DCHS2: variants seen among roughly 807,000 people sequenced by gnomAD.
DCHS2 encodes the protein dachsous cadherin-related 2, also known as protocadherin-23.
DCHS2 carries 142 observed loss-of-function variants against 182.4 expected under a neutral mutation model. The ratio of observed to expected loss-of-function variants is 0.78; its 90% CI spans 0.68 to 0.89. The LOEUF is 0.89. Ranked by LOEUF, DCHS2 falls within the 40% of genes least tolerant of loss-of-function variation. The pLI is 0.00. For synonymous variants in DCHS2, 1,740 were observed against 1,663.3 expected (o/e 1.05, Z -1.12); for missense variants, 4,319 against 4,198.6 (o/e 1.03, Z -0.79).
At chr4:154,265,010 AT>A (rs1161196794) in intron 14 of DCHS2, among the ~76,000 whole-genome samples, 5 of 152,202 alleles carry the variant, frequency 3.3e-5, no homozygotes, top group Admixed American at 3.3e-4. Context: ...GTTGGACTTT[AT>A]ATATGTTAAA....
At chr4:154,463,324 G>C (rs1735095883) in intron 1 of DCHS2, among the ~76,000 whole-genome samples, 2 of 151,738 alleles carry the variant, frequency 1.3e-5, no homozygotes, top group South Asian at 2.1e-4. Context: ...AATTATATAG[G>C]CTTTTTTCCC....
intron 1 of DCHS2, among the ~76,000 whole-genome samples, chr4:154,420,234 G>GAGACAGAC (rs71600327): frequency 0.065 from 8,967 of 137,354 alleles, 306 homozygotes; most frequent in Middle Eastern, 0.098. Context: ...GAACCGATGG[G>GAGACAGAC]AGACAGACAG....
At chr4:154,435,762 A>G (rs776145339) in intron 1 of DCHS2, among the ~76,000 whole-genome samples, 2 of 152,204 alleles carry the variant, frequency 1.3e-5, no homozygotes, top group Non-Finnish European at 2.9e-5. Flanking sequence ...CCAATAAACT[A>G]GATTAGCATC....
Position 154,491,331 on chromosome 4 carries a change from C to A in DCHS2, c.25G>T (p.Gly9Cys). MSPCGRKM[G>C]EGRQQRRAPV... ...GCCCGCCGCTGCTGACGCCCTTCGCCCATCTTCCGCCCACAAGGGCTCATT... is the reference window on the plus strand; with the variant it reads ...GCCCGCCGCTGCTGACGCCCTTCGCACATCTTCCGCCCACAAGGGCTCATT... The change falls in exon 1 of 20, where the codon GGC becomes TGC. Residue 9 changes from glycine (G) to cysteine (C), a missense_variant. Coordinates refer to ENST00000357232, the MANE Select transcript of DCHS2 (RefSeq NM_001358235.2). 6.5e-7 allele frequency: 1 copy of A among 1,543,014 alleles called. No individual in the cohort carries two copies. Among genetic ancestry groups the A allele is most frequent in the Non-Finnish European group, 8.8e-7 (1 of 1,141,450 alleles).
rs549919104 is a variant in DCHS2 at position 154,283,077 on chromosome 4, A to G, written c.6464-13064T>C. ...CAATTTGAATTTTACAAAATGAAAA[A>G]TATCTAGAGATCTGTTGTGTAACAA... is the stretch of plus-strand genomic sequence containing the variant. On this transcript the variant is annotated intron_variant, in intron 13 of 19. Coordinates refer to ENST00000357232, the MANE Select transcript of DCHS2 (RefSeq NM_001358235.2). Among the ~76,000 whole-genome samples, 6 of 152,264 alleles carry G rather than the reference A, an allele frequency of 3.9e-5. No individual in the cohort carries two copies. In the South Asian group the frequency reaches 1.2e-3, roughly 32 times the overall value.
At position 154,298,415 on chromosome 4, in the gene DCHS2, G is replaced by A. The variant is rs2111282826; in HGVS notation, c.5899C>T (p.Gln1967Ter). ...AVDKDEGLNGQTEYFLTDEAS... is the reference protein window; with the variant it reads ...AVDKDEGLNG ...TCATCAGTCAGAAAATACTCAGTTTGCCCATTCAGGCCTTCATCCTTGTCC... is the reference window on the plus strand; with the variant it reads ...TCATCAGTCAGAAAATACTCAGTTTACCCATTCAGGCCTTCATCCTTGTCC... Residue 1967 changes from glutamine (Q) to a stop codon, truncating the protein, a stop_gained, in exon 13 of 20, where the codon CAA becomes TAA. Coordinates refer to ENST00000357232, the MANE Select transcript of DCHS2 (RefSeq NM_001358235.2). LOFTEE classifies it high-confidence loss of function. 3 of 1,614,112 alleles carry A rather than the reference G, an allele frequency of 1.9e-6. No individual in the cohort carries two copies. In the East Asian group the frequency reaches 6.7e-5, roughly 36 times the overall value.
chr4:154,240,588 A>C lies in DCHS2; in HGVS notation c.7308T>G (p.Arg2436=). The C allele has an allele frequency of 6.2e-7, 1 of 1,613,904 alleles. No individual in the cohort carries two copies. Among genetic ancestry groups the C allele is most frequent in the Non-Finnish European group, 8.5e-7 (1 of 1,179,892 alleles). Residue 2436 remains arginine, a synonymous_variant, in exon 18 of 20, where the codon CGT becomes CGG. Transcript: ENST00000357232. ...VHYTEGALVV[R]VLDVNDNPPV... is the part of the protein sequence containing the mutation. ...GTGGATTATCATTGACATCCAGCAC[A>C]CGGACTACAAGTGCTCCCTCTGTGT... is the stretch of plus-strand genomic sequence containing the variant.
chr4:154,352,683 TA>T (rs1396802821), intron 3 of DCHS2, among the ~76,000 whole-genome samples: 6 of 152,176 alleles, frequency 3.9e-5, no homozygotes, highest in African/African-American at 1.4e-4. Context: ...CCATAAAATA[TA>T]AAAACACATC....
At chr4:154,420,204 C>A (rs1026694688) in intron 1 of DCHS2, among the ~76,000 whole-genome samples, 1 of 151,410 alleles carries the variant, frequency 6.6e-6, no homozygotes, top group Non-Finnish European at 1.5e-5. Context: ...AAAAAGGAGT[C>A]AGAGTTCTCC....
chr4:154,301,140 A>G (rs1424606941), intron 12 of DCHS2, among the ~76,000 whole-genome samples: 1 of 152,206 alleles, frequency 6.6e-6, no homozygotes, highest in African/African-American at 2.4e-5. Context: ...CTCTCACCCA[A>G]ATAAATGGCT....
chr4:154,456,762 A>C (rs542841818), intron 1 of DCHS2, among the ~76,000 whole-genome samples: 30 of 152,322 alleles, frequency 2.0e-4, no homozygotes, highest in Non-Finnish European at 3.1e-4. Flanking sequence ...GGTAAAGGGC[A>C]TGAGGTTAGT....
At chr4:154,415,095 A>G (rs1451416826) in intron 1 of DCHS2, among the ~76,000 whole-genome samples, 1 of 152,208 alleles carries the variant, frequency 6.6e-6, no homozygotes, top group Non-Finnish European at 1.5e-5. Context: ...TGCCTAAATC[A>G]GTATCATTTA....
rs1274554248 is a variant in DCHS2, at chr4:154,333,043, G to T, written c.3165C>A (p.Ala1055=). 2 of 1,613,956 alleles carry T rather than the reference G, an allele frequency of 1.2e-6. No homozygotes were observed. Among genetic ancestry groups the T allele is most frequent in the Non-Finnish European group, 1.7e-6 (2 of 1,179,972 alleles). The change falls in exon 5 of 20, where the codon GCC becomes GCA. Residue 1055 remains alanine (A), a synonymous_variant. Coordinates refer to ENST00000357232, the MANE Select transcript of DCHS2 (RefSeq NM_001358235.2). The part of the protein sequence containing the change: ...EQRELTLTLR[A]EDQGVHPQAA... Reference sequence around the variant, plus strand: ...CCTGAGGATGCACGCCTTGGTCCTCGGCCCTGAGAGTCAGCGTGAGCTCCC... The same window carrying T: ...CCTGAGGATGCACGCCTTGGTCCTCTGCCCTGAGAGTCAGCGTGAGCTCCC...
intron 13 of DCHS2, among the ~76,000 whole-genome samples, chr4:154,292,670 T>G (rs911924422): frequency 1.2e-4 from 18 of 152,218 alleles, no homozygotes; most frequent in African/African-American, 4.1e-4. Context: ...ATTTCAGACA[T>G]GCCTTCCTTT....
Position 154,308,402 on chromosome 4 carries a change from A to G in DCHS2, c.5261-3171T>C, listed in dbSNP as rs902127301. On this transcript the variant is annotated intron_variant, in intron 10 of 19. Transcript: ENST00000357232. Reference sequence around the variant, plus strand: ...CTGGTTCCAGGAGTGGGGTGCATTGACAATCAATGTGCTGGCCATCACGCC... The same window carrying G: ...CTGGTTCCAGGAGTGGGGTGCATTGGCAATCAATGTGCTGGCCATCACGCC... Among the ~76,000 whole-genome samples, 2 of 152,174 alleles carry G rather than the reference A, an allele frequency of 1.3e-5. 1 individual carries two copies. Among genetic ancestry groups the G allele is most frequent in the South Asian group, 4.1e-4 (2 of 4,832 alleles).
At chr4:154,423,188 G>A (rs538927247) in intron 1 of DCHS2, among the ~76,000 whole-genome samples, 1 of 152,108 alleles carries the variant, frequency 6.6e-6, no homozygotes, top group Non-Finnish European at 1.5e-5. Flanking sequence ...GTAGCCTTTA[G>A]CTATCACTGC....
intron 18 of DCHS2, among the ~76,000 whole-genome samples, chr4:154,239,694 A>G (rs1365277013): frequency 6.6e-6 from 1 of 152,098 alleles, no homozygotes; most frequent in African/African-American, 2.4e-5. Flanking sequence ...TTTTTAGTAG[A>G]GATGGGGTTT....
At chr4:154,335,776 G>A (rs1318540825) in intron 3 of DCHS2, among the ~76,000 whole-genome samples, 1 of 152,196 alleles carries the variant, frequency 6.6e-6, no homozygotes, top group Non-Finnish European at 1.5e-5. Flanking sequence ...GCAAAACAAT[G>A]TCAAATTATG....
chr4:154,303,608 A>G (rs917428521), intron 12 of DCHS2, among the ~76,000 whole-genome samples: 1 of 152,010 alleles, frequency 6.6e-6, no homozygotes, highest in Admixed American at 6.6e-5. Flanking sequence ...TGATAATGCA[A>G]TGCTGTTGGA....
Sources: allele counts gnomAD v4.1 joint callset (sites outside exome capture counted in the v4.1 genomes callset), GRCh38; gene constraint gnomAD v4.1.1; transcripts MANE v1.5; gene names NCBI Gene and HGNC (gene_info 2026-07-23, HGNC 2026-07-21).